SH3GL2: variants seen among roughly 807,000 people sequenced by gnomAD.
SH3GL2 encodes the protein SH3 domain containing GRB2 like 2, endophilin A1, also known as endophilin-A1.
A neutral mutation model predicts 46.0 loss-of-function variants in SH3GL2; 24 were observed. That is an observed-to-expected ratio of 0.52 (90% CI 0.38 to 0.73). SH3GL2 has a LOEUF of 0.73. Ranked by LOEUF, SH3GL2 falls within the 30% of genes least tolerant of loss-of-function variation. The probability of loss-of-function intolerance (pLI) is 0.00; values close to 1 mark genes in which losing one functional copy is unlikely to be tolerated. For synonymous variants in SH3GL2, 196 were observed against 147.1 expected, an observed-to-expected ratio of 1.33 and a Z score of -2.40; for missense variants, 413 against 424.2, an observed-to-expected ratio of 0.97 and a Z score of 0.23.
chr9:17,703,651 A>G (rs1250567134), intron 1 of SH3GL2, among the ~76,000 whole-genome samples: 4 of 152,150 alleles, frequency 2.6e-5, no homozygotes, highest in Admixed American at 2.6e-4. Context: ...GGTTCAACAT[A>G]TGCAAATCAA....
intron 3 of SH3GL2, 101 bp downstream of exon 3, chr9:17,761,610 C>T: frequency 1.2e-6 from 1 of 820,488 alleles, no homozygotes; most frequent in South Asian, 1.3e-5. Context: ...TTTGGTGTTG[C>T]TTCCTCGGTC....
chr9:17,659,311 A>G (rs1232245575), intron 1 of SH3GL2, among the ~76,000 whole-genome samples: 1 of 152,178 alleles, frequency 6.6e-6, no homozygotes, highest in East Asian at 1.9e-4. Context: ...AGAACTCTTC[A>G]GTTCCATTTA....
chr9:17,772,879 C>T (rs1823530597), intron 3 of SH3GL2, among the ~76,000 whole-genome samples: 1 of 152,130 alleles, frequency 6.6e-6, no homozygotes, highest in African/African-American at 2.4e-5. Flanking sequence ...ATTGCTGGAA[C>T]TTAAGGGAAT....
At chr9:17,727,180 G>A (rs1404811722) in intron 1 of SH3GL2, among the ~76,000 whole-genome samples, 2 of 152,150 alleles carry the variant, frequency 1.3e-5, no homozygotes, top group African/African-American at 4.8e-5. Flanking sequence ...AGTTTGATGG[G>A]TAACAAGTTA....
At chr9:17,743,850 G>C (rs1180087051) in intron 1 of SH3GL2, among the ~76,000 whole-genome samples, 1 of 152,178 alleles carries the variant, frequency 6.6e-6, no homozygotes, top group African/African-American at 2.4e-5. Flanking sequence ...ATTCACTAGA[G>C]TTGGTCAAAA....
rs570890773 is a variant in SH3GL2 at position 17,733,929 on chromosome 9, C to G, written c.46-13137C>G. 3.6e-4 allele frequency among the ~76,000 whole-genome samples: 55 copies of G among 152,048 alleles called. No homozygotes were observed. In the South Asian group the frequency reaches 0.011, roughly 30 times the overall value. ...AGGTGGGAATTGAACAATGAGAACA[C>G]ATGGCCTCTCACATTCTCTTACTTA... is the stretch of plus-strand genomic sequence containing the variant. On this transcript the variant is annotated intron_variant, in intron 1 of 8. Coordinates refer to ENST00000380607, the MANE Select transcript of SH3GL2 (RefSeq NM_003026.5).
intron 1 of SH3GL2, among the ~76,000 whole-genome samples, chr9:17,603,989 A>T (rs968240187): frequency 6.6e-6 from 1 of 152,242 alleles, no homozygotes; most frequent in Non-Finnish European, 1.5e-5. Context: ...GTTAAAAAAT[A>T]GAAAAAAGGG....
At position 17,656,682 on chromosome 9, in the gene SH3GL2, A is replaced by G. The variant is rs150658621; in HGVS notation, c.45+77395A>G. 1.1e-4 allele frequency among the ~76,000 whole-genome samples: 16 copies of G among 146,782 alleles called. No individual in the cohort carries two copies. The East Asian group carries it at 3.3e-3, about 30-fold the overall frequency. On this transcript the variant is annotated intron_variant, in intron 1 of 8. Transcript: ENST00000380607. ...GAGGAGCATGTTTTGAACATCTTTT[A>G]TGCTTATTTAAAAAGAGGCGGAGCT...
At chr9:17,738,641 T>TATATAGAGAGAGAGAGAGAG (rs376280314) in intron 1 of SH3GL2, among the ~76,000 whole-genome samples, 4 of 88,880 alleles carry the variant, frequency 4.5e-5, no homozygotes, top group Admixed American at 1.3e-4. Flanking sequence ...TATATATATA[T>TATATAGAGAGAGAGAGAGAG]AGAGAGAGAG....
intron 1 of SH3GL2, among the ~76,000 whole-genome samples, chr9:17,629,275 T>C (rs1273737936): frequency 2.6e-5 from 4 of 152,208 alleles, no homozygotes; most frequent in Non-Finnish European, 5.9e-5. Flanking sequence ...TTTGATAAGT[T>C]ATTATAATTT....
At chr9:17,628,930 A>C (rs1819356353) in intron 1 of SH3GL2, among the ~76,000 whole-genome samples, 2 of 152,098 alleles carry the variant, frequency 1.3e-5, no homozygotes, top group Admixed American at 6.5e-5. Flanking sequence ...CATAATACCA[A>C]CTGTTTATAA....
rs1009322724 is a variant in SH3GL2 at position 17,673,631 on chromosome 9, C to G, written c.46-73435C>G. 2.6e-5 allele frequency among the ~76,000 whole-genome samples: 4 copies of G among 152,282 alleles called. No individual in the cohort carries two copies. In the South Asian group the frequency reaches 8.3e-4, roughly 32 times the overall value. On this transcript the variant is annotated intron_variant, in intron 1 of 8. Transcript: ENST00000380607. ...CTCTTTGACTTGACCTACTAGCCAG[C>G]CATGATCTCCTTGTCCATCTTGATG...
chr9:17,663,232 G>T (rs972024636), intron 1 of SH3GL2, among the ~76,000 whole-genome samples: 3 of 152,170 alleles, frequency 2.0e-5, no homozygotes, highest in African/African-American at 7.2e-5. Flanking sequence ...CCCCAGCTGA[G>T]AATTGATCTT....
intron 1 of SH3GL2, among the ~76,000 whole-genome samples, chr9:17,616,268 A>G (rs1354049149): frequency 6.6e-6 from 1 of 152,254 alleles, no homozygotes; most frequent in Non-Finnish European, 1.5e-5. Context: ...GGAAAGAAGC[A>G]TGATGACTTT....
At chr9:17,773,354 C>G (rs1823546684) in intron 3 of SH3GL2, among the ~76,000 whole-genome samples, 1 of 151,998 alleles carries the variant, frequency 6.6e-6, no homozygotes, top group South Asian at 2.1e-4. Context: ...GTTGCATATG[C>G]CTTTGGTATC....
chr9:17,668,907 C>T (rs1308763778), intron 1 of SH3GL2, among the ~76,000 whole-genome samples: 1 of 152,172 alleles, frequency 6.6e-6, no homozygotes, highest in Non-Finnish European at 1.5e-5. Flanking sequence ...GTACCCCTGC[C>T]TTGGCATCCG....
chr9:17,654,518 A>G (rs1051513222), intron 1 of SH3GL2, among the ~76,000 whole-genome samples: 10 of 152,226 alleles, frequency 6.6e-5, no homozygotes, highest in African/African-American at 2.2e-4. Flanking sequence ...TTCTGAGCCA[A>G]TATGCCTGTC....
At chr9:17,592,964 A>G (rs759962389) in intron 1 of SH3GL2, among the ~76,000 whole-genome samples, 5 of 152,286 alleles carry the variant, frequency 3.3e-5, no homozygotes, top group African/African-American at 7.2e-5. Flanking sequence ...AGTCATGCCT[A>G]TGTAATGAAG....
chr9:17,769,026 G>A (rs1036994838), intron 3 of SH3GL2, among the ~76,000 whole-genome samples: 8 of 152,088 alleles, frequency 5.3e-5, no homozygotes, highest in Admixed American at 5.2e-4. Flanking sequence ...GGCCTGGCCA[G>A]CCCCTTTGCT....
Sources: gnomAD v4.1 joint callset for allele counts (sites outside exome capture counted in the v4.1 genomes callset) on GRCh38, gnomAD v4.1.1 for gene constraint, MANE v1.5 for transcripts, NCBI Gene and HGNC (gene_info 2026-07-23, HGNC 2026-07-21) for gene names.